The following PLCE1 variants were observed in gnomAD, a reference collection of about 807,000 sequenced individuals.
PLCE1 encodes 1-phosphatidylinositol 4,5-bisphosphate phosphodiesterase epsilon-1.
A neutral mutation model predicts 242.8 loss-of-function variants in PLCE1; 119 were observed. The ratio of observed to expected loss-of-function variants is 0.49; its 90% CI spans 0.42 to 0.57. The LOEUF (loss-of-function observed/expected upper bound fraction) is 0.57. PLCE1 is among the 20% of genes least tolerant of loss of function. The pLI is 0.00. For missense variants in PLCE1, 2,441 were observed against 2,788.8 expected (o/e 0.88, Z 2.81); for synonymous variants, 945 against 1,017.4 (o/e 0.93, Z 1.35).
At chr10:94,079,704 A>T (rs570362742) in intron 2 of PLCE1, among the ~76,000 whole-genome samples, 1 of 152,356 alleles carries the variant, frequency 6.6e-6, no homozygotes. Context: ...TCTTGCCCTA[A>T]GCCAACTGGA....
At chr10:94,164,518 A>G (rs1157888445) in intron 3 of PLCE1, among the ~76,000 whole-genome samples, 6 of 151,976 alleles carry the variant, frequency 3.9e-5, no homozygotes, top group Admixed American at 3.9e-4. Context: ...TGCATTGGTT[A>G]TTCTAGTTAG....
At chr10:94,051,962 G>C (rs1037699194) in intron 2 of PLCE1, among the ~76,000 whole-genome samples, 1 of 152,208 alleles carries the variant, frequency 6.6e-6, no homozygotes, top group East Asian at 1.9e-4. Context: ...TGAACAAACA[G>C]TTCATTGGTT....
chr10:94,309,648 T>A (rs6583934), intron 27 of PLCE1, among the ~76,000 whole-genome samples: 4 of 152,004 alleles, frequency 2.6e-5, no homozygotes, highest in African/African-American at 4.8e-5. Context: ...CAGAATCTGC[T>A]TTTTAACAAG....
At chr10:94,122,622 A>G (rs1026690733) in intron 2 of PLCE1, among the ~76,000 whole-genome samples, 3 of 152,068 alleles carry the variant, frequency 2.0e-5, no homozygotes, top group Non-Finnish European at 2.9e-5. Flanking sequence ...CTTGAGGCGT[A>G]TAGAGATGAA....
intron 3 of PLCE1, among the ~76,000 whole-genome samples, chr10:94,163,776 T>A (rs2047698565): frequency 1.3e-5 from 2 of 152,196 alleles, no homozygotes; most frequent in African/African-American, 2.4e-5. Context: ...ATTTGGCATG[T>A]TTTTGCGGTG....
intron 4 of PLCE1, among the ~76,000 whole-genome samples, chr10:94,192,647 G>A (rs776182627): frequency 1.3e-5 from 2 of 152,146 alleles, no homozygotes; most frequent in Non-Finnish European, 2.9e-5. Context: ...ACATGCAAGT[G>A]CATGTGTCTT....
At chr10:94,137,515 T>G (rs976425539) in intron 3 of PLCE1, among the ~76,000 whole-genome samples, 7 of 152,154 alleles carry the variant, frequency 4.6e-5, no homozygotes, top group African/African-American at 1.7e-4. Flanking sequence ...CAGCTAAGTG[T>G]TTTCAAATGT....
At chr10:94,283,381 A>G (rs1034649108) in intron 20 of PLCE1, 5 of 241,364 alleles carry the variant, frequency 2.1e-5, no homozygotes, top group South Asian at 1.6e-4. Context: ...TCAATCATGT[A>G]TGTACCTTCT....
chr10:94,232,855 C>T (rs1232988464), intron 5 of PLCE1, among the ~76,000 whole-genome samples: 2 of 152,160 alleles, frequency 1.3e-5, no homozygotes, highest in African/African-American at 4.8e-5. Flanking sequence ...CCTTTGCCAC[C>T]AGGGAGCTCC....
chr10:94,009,382 T>A (rs987585689), intron 1 of PLCE1, among the ~76,000 whole-genome samples: 5 of 152,134 alleles, frequency 3.3e-5, no homozygotes, highest in African/African-American at 1.2e-4. Flanking sequence ...TTCCACTAGG[T>A]CCCACCTCTA....
At chr10:94,162,727 A>C (rs1477571343) in intron 3 of PLCE1, among the ~76,000 whole-genome samples, 4 of 151,966 alleles carry the variant, frequency 2.6e-5, no homozygotes, top group Non-Finnish European at 4.4e-5. Flanking sequence ...TTGTTTCTCT[A>C]GTTCTTTTAA....
chr10:94,055,399 C>T (rs1325029121), intron 2 of PLCE1, among the ~76,000 whole-genome samples: 1 of 151,676 alleles, frequency 6.6e-6, no homozygotes, highest in Middle Eastern at 3.2e-3. Context: ...CAACCTCCAC[C>T]CCACCCCCCG....
intron 4 of PLCE1, among the ~76,000 whole-genome samples, chr10:94,178,973 C>T (rs1050075439): frequency 2.6e-5 from 4 of 152,234 alleles, no homozygotes; most frequent in Admixed American, 2.6e-4. Context: ...GCTTTACAAA[C>T]TTCCTTCCTC....
intron 7 of PLCE1, among the ~76,000 whole-genome samples, chr10:94,238,015 T>A (rs2050379200): frequency 6.6e-6 from 1 of 152,174 alleles, no homozygotes. Flanking sequence ...GTCCTTTGGT[T>A]TACCCCACCT....
chr10:94,035,516 G>A (rs2061646841), intron 2 of PLCE1, among the ~76,000 whole-genome samples: 1 of 152,254 alleles, frequency 6.6e-6, no homozygotes, highest in South Asian at 2.1e-4. Context: ...GCTGGGAGAG[G>A]TTGCCACACC....
At chr10:94,047,341 C>T (rs2043625419) in intron 2 of PLCE1, among the ~76,000 whole-genome samples, 1 of 152,160 alleles carries the variant, frequency 6.6e-6, no homozygotes, top group South Asian at 2.1e-4. Flanking sequence ...GCTTGTCTCC[C>T]TACCAGTGAG....
chr10:94,213,736 C>T (rs2049421387), intron 4 of PLCE1, among the ~76,000 whole-genome samples: 1 of 152,120 alleles, frequency 6.6e-6, no homozygotes. Flanking sequence ...GGAAGCTGGC[C>T]CTGTAATAAA....
intron 30 of PLCE1, 36 bp downstream of exon 30, chr10:94,322,095 C>G: frequency 1.9e-6 from 3 of 1,597,138 alleles, no homozygotes; most frequent in Non-Finnish European, 2.6e-6. Context: ...GAGTCCTTTC[C>G]TCAGCATAAA....
chr10:94,155,993 A>G (rs538643036), intron 3 of PLCE1, among the ~76,000 whole-genome samples: 79 of 152,262 alleles, frequency 5.2e-4, no homozygotes, highest in African/African-American at 1.9e-3. Flanking sequence ...TCTCAGTTTA[A>G]AAAAAGAATG....
Sources: gnomAD v4.1 joint callset for allele counts (sites outside exome capture counted in the v4.1 genomes callset) on GRCh38, gnomAD v4.1.1 for gene constraint, MANE v1.5 for transcripts, NCBI Gene and HGNC (gene_info 2026-07-23, HGNC 2026-07-21) for gene names.